Variants in SLC9C2 observed in about 807,000 individuals in gnomAD.
The protein encoded by SLC9C2 is sodium/hydrogen exchanger 11.
A neutral mutation model predicts 140.2 loss-of-function variants in SLC9C2; 75 were observed. That is an observed-to-expected ratio of 0.53 (90% confidence interval 0.44 to 0.65). SLC9C2 has a LOEUF of 0.65. Ranked by LOEUF, SLC9C2 falls within the 30% of genes least tolerant of loss-of-function variation. SLC9C2 has a pLI of 0.00. For missense variants in SLC9C2, 1,074 were observed against 1,331.8 expected, an observed-to-expected ratio of 0.81 and a Z score of 3.01; for synonymous variants, 375 against 420.9, an observed-to-expected ratio of 0.89 and a Z score of 1.34.
intron 11 of SLC9C2, among the ~76,000 whole-genome samples, chr1:173,549,400 C>T (rs1303103128): frequency 6.6e-6 from 1 of 152,142 alleles, no homozygotes; most frequent in Non-Finnish European, 1.5e-5. Context: ...CTGCCTGCTC[C>T]CTTGGATTTA....
chr1:173,589,420 C>A (rs916538534), intron 4 of SLC9C2, among the ~76,000 whole-genome samples: 1 of 151,974 alleles, frequency 6.6e-6, no homozygotes. Flanking sequence ...ATTAGCCAGG[C>A]ATGGTGGCAT....
At chr1:173,536,056 C>T in intron 14 of SLC9C2, 107 bp from the exon 15 acceptor site, 2 of 976,902 alleles carry the variant, frequency 2.0e-6, no homozygotes. Flanking sequence ...TATGGACCCA[C>T]CAAATAAGCT....
In SLC9C2 at chr1:173,561,887, C is replaced by CACACACACA. The variant is rs1558068630; in HGVS notation, c.1047-4380_1047-4379insTGTGTGTGT. 5.0e-5 allele frequency among the ~76,000 whole-genome samples: 7 copies of CACACACACA among 141,320 alleles called. No homozygotes were observed. The South Asian group carries it at 8.7e-4, about 18-fold the overall frequency. The allele number at this position is 141,320 out of a possible 152,430, so 92.7% of individuals were successfully genotyped here. A position where few individuals can be genotyped will look rare whatever the true frequency, so the allele number is the denominator to read the frequency against. On this transcript the variant is annotated intron_variant, in intron 9 of 27. Coordinates refer to ENST00000367714, the MANE Select transcript of SLC9C2 (RefSeq NM_178527.4). ...GACACACACACACACACACACACAC[C>CACACACACA]CCCAACTGTAACTAATCCAACAATC... is the stretch of plus-strand genomic sequence containing the variant.
chr1:173,526,524 C>G, intron 19 of SLC9C2, 139 bp downstream of exon 19: 1 of 747,926 alleles, frequency 1.3e-6, no homozygotes, highest in Non-Finnish European at 2.2e-6. Flanking sequence ...CATACCTGGC[C>G]CATTAGCTGT....
intron 9 of SLC9C2, among the ~76,000 whole-genome samples, chr1:173,567,978 G>A (rs997789107): frequency 2.0e-5 from 3 of 151,982 alleles, no homozygotes; most frequent in African/African-American, 7.2e-5. Context: ...TTACCCCCCT[G>A]CTATTTAACT....
chr1:173,526,114 G>T (rs1478046298), intron 19 of SLC9C2, among the ~76,000 whole-genome samples: 1 of 151,998 alleles, frequency 6.6e-6, no homozygotes, highest in Non-Finnish European at 1.5e-5. Flanking sequence ...CACACTGACA[G>T]CCTGGCCCAC....
intron 9 of SLC9C2, among the ~76,000 whole-genome samples, chr1:173,570,145 C>G (rs188352765): frequency 6.6e-6 from 1 of 152,264 alleles, no homozygotes; most frequent in East Asian, 1.9e-4. Flanking sequence ...GGTGTCTACC[C>G]CACTGTGGCC....
At chr1:173,575,143 C>G (rs1665095621) in intron 8 of SLC9C2, among the ~76,000 whole-genome samples, 1 of 152,032 alleles carries the variant, frequency 6.6e-6, no homozygotes, top group Non-Finnish European at 1.5e-5. Flanking sequence ...TTTCAATTCT[C>G]TCTACAGGAC....
intron 4 of SLC9C2, among the ~76,000 whole-genome samples, chr1:173,593,207 A>C (rs1571634302): frequency 6.6e-6 from 1 of 152,310 alleles, no homozygotes; most frequent in East Asian, 1.9e-4. Context: ...ACACAATGAC[A>C]GGATCAAATC....
At chr1:173,596,000 T>A (rs1362256353) in intron 4 of SLC9C2, among the ~76,000 whole-genome samples, 1 of 152,154 alleles carries the variant, frequency 6.6e-6, no homozygotes, top group African/African-American at 2.4e-5. Flanking sequence ...GTTTTGCCAT[T>A]TTTAGAAGGT....
intron 8 of SLC9C2, among the ~76,000 whole-genome samples, chr1:173,576,125 C>T (rs7537369): frequency 0.16 from 24,966 of 152,046 alleles, 6,812 homozygotes; most frequent in African/African-American, 0.57. Context: ...ATTTGGTATT[C>T]GATAATTCTG....
At chr1:173,540,473 T>C (rs977466600) in intron 13 of SLC9C2, among the ~76,000 whole-genome samples, 2 of 152,120 alleles carry the variant, frequency 1.3e-5, no homozygotes. Flanking sequence ...CATACTGCAT[T>C]AGCTTTGGAA....
intron 9 of SLC9C2, among the ~76,000 whole-genome samples, chr1:173,564,375 T>A (rs58425101): frequency 0.014 from 2,124 of 152,342 alleles, 58 homozygotes; most frequent in African/African-American, 0.049. Context: ...TTATTGCCTG[T>A]CTTTTGGATA....
chr1:173,506,499 C>T (rs1209190420), intron 25 of SLC9C2, among the ~76,000 whole-genome samples: 3 of 152,202 alleles, frequency 2.0e-5, no homozygotes, highest in Non-Finnish European at 4.4e-5. Context: ...TTTTTGTCAA[C>T]CAGTGCAGAT....
chr1:173,574,154 A>C (rs1032000341), intron 8 of SLC9C2, among the ~76,000 whole-genome samples: 7 of 152,156 alleles, frequency 4.6e-5, no homozygotes, highest in Admixed American at 1.3e-4. Context: ...CCACAAGCAG[A>C]TCTCAAGGCC....
At chr1:173,510,177 C>G (rs1659942450) in intron 23 of SLC9C2, among the ~76,000 whole-genome samples, 1 of 152,132 alleles carries the variant, frequency 6.6e-6, no homozygotes, top group African/African-American at 2.4e-5. Context: ...TGCCTTCTCT[C>G]CTCTTCCAAA....
At chr1:173,507,162 G>T in intron 24 of SLC9C2, 121 bp from the exon 25 acceptor site, 2 of 741,548 alleles carry the variant, frequency 2.7e-6, no homozygotes, top group Non-Finnish European at 4.3e-6. Context: ...ACAGCCCCTG[G>T]CACCAACAGA....
At chr1:173,568,123 G>A (rs1439911080) in intron 9 of SLC9C2, among the ~76,000 whole-genome samples, 1 of 152,062 alleles carries the variant, frequency 6.6e-6, no homozygotes, top group African/African-American at 2.4e-5. Context: ...CACAATTACA[G>A]CGTTTTTTAA....
intron 4 of SLC9C2, among the ~76,000 whole-genome samples, chr1:173,595,739 A>C (rs61828916): frequency 0.14 from 22,039 of 152,250 alleles, 1,796 homozygotes; most frequent in East Asian, 0.29. Context: ...AAATGATGAA[A>C]TAATATGTGA....
Sources: gnomAD v4.1 joint callset for allele counts (sites outside exome capture counted in the v4.1 genomes callset) on GRCh38, gnomAD v4.1.1 for gene constraint, MANE v1.5 for transcripts, NCBI Gene and HGNC (gene_info 2026-07-23, HGNC 2026-07-21) for gene names.